SNRNP200: variants seen among roughly 807,000 people sequenced by gnomAD.
SNRNP200 encodes the protein U5 small nuclear ribonucleoprotein 200 kDa helicase.
SNRNP200 carries 66 observed loss-of-function variants against 255.2 expected under a neutral mutation model. The ratio of observed to expected loss-of-function variants is 0.26; its 90% confidence interval spans 0.21 to 0.32. SNRNP200 has a LOEUF of 0.32. Ranked by LOEUF, SNRNP200 falls within the 10% of genes least tolerant of loss-of-function variation. The pLI, the probability that SNRNP200 is intolerant of heterozygous loss-of-function variation, is 1.00. For missense variants in SNRNP200, 1,585 were observed against 2,749.8 expected, an observed-to-expected ratio of 0.58 and a Z score of 9.47; for synonymous variants, 939 against 1,027.8, an observed-to-expected ratio of 0.91 and a Z score of 1.65.
intron 43 of SNRNP200, among the ~76,000 whole-genome samples, chr2:96,276,247 T>TA (rs572300084): frequency 6.6e-6 from 1 of 152,158 alleles, no homozygotes; most frequent in Non-Finnish European, 1.5e-5. Flanking sequence ...TTTCTGGTGG[T>TA]AAAAAACCAA....
chr2:96,275,490 C>G (rs1238550611), intron 43 of SNRNP200, 141 bp from the exon 44 acceptor site: 2 of 752,126 alleles, frequency 2.7e-6, no homozygotes, highest in Non-Finnish European at 4.7e-6. Context: ...TTAGATTTAA[C>G]ATTTTAATAC....
chr2:96,290,435 T>C lies in SNRNP200; in HGVS notation c.2633A>G (p.Tyr878Cys). 1 of 1,614,120 alleles carries C rather than the reference T, an allele frequency of 6.2e-7. No individual in the cohort carries two copies. The highest frequency in any genetic ancestry group is 8.5e-7 in the Non-Finnish European group (1 of 1,179,942). ...TTGTTGATTGAGGAGGGACAGGTAGTACTGTAGCTCCCCATGAGATGTGAT... is the reference window on the plus strand; with the variant it reads ...TTGTTGATTGAGGAGGGACAGGTAGCACTGTAGCTCCCCATGAGATGTGAT... ...ILITSHGELQYYLSLLNQQLP... is the reference protein window; with the variant it reads ...ILITSHGELQCYLSLLNQQLP... Residue 878 changes from tyrosine (Y) to cysteine (C), a missense_variant, in exon 20 of 45, where the codon TAC (tyrosine) becomes TGC (cysteine). By Grantham distance (194) the Tyr-to-Cys change is radical. Transcript: ENST00000323853. The surrounding 1 kb of genome is among the most constrained non-coding windows in gnomAD (Gnocchi z 4.5).
rs777483754 is a variant in SNRNP200 at position 96,305,364 on chromosome 2, C to A, written c.45+29G>T. ...CCCCCTCCCCATTGGACTCCTGAGCCTGGAATCCTTCCCCAAGACCAAACG... is the reference window on the plus strand; with the variant it reads ...CCCCCTCCCCATTGGACTCCTGAGCATGGAATCCTTCCCCAAGACCAAACG... On this transcript the variant is annotated intron_variant, in intron 1 of 44. Coordinates refer to ENST00000323853, the MANE Select transcript of SNRNP200 (RefSeq NM_014014.5). 3.8e-5 allele frequency: 62 copies of A among 1,614,098 alleles called. No individual in the cohort carries two copies. The South Asian group carries it at 6.3e-4, about 16-fold the overall frequency.
intron 35 of SNRNP200, 80 bp from the exon 36 acceptor site, chr2:96,279,639 A>C (rs564483254): frequency 2.4e-6 from 2 of 846,904 alleles, no homozygotes; most frequent in African/African-American, 3.3e-5. Flanking sequence ...CCCTTCGCCA[A>C]GTAAGAGTAA....
At chr2:96,284,609 G>T in intron 30 of SNRNP200, 24 bp from the exon 31 acceptor site, 1 of 1,510,938 alleles carries the variant, frequency 6.6e-7, no homozygotes, top group Non-Finnish European at 9.2e-7. Flanking sequence ...GAGGGAGGCA[G>T]AACAACACTA....
In SNRNP200 at chr2:96,298,686, C is replaced by T; in HGVS notation, c.899G>A (p.Arg300Gln). ...LEILKTASDD[R>Q]ECENQLVLLL... ...CAGAACCAGCTGATTTTCACATTCCCGATCATCACTGGCCGTCTGCAGAGA... is the reference window on the plus strand; with the variant it reads ...CAGAACCAGCTGATTTTCACATTCCTGATCATCACTGGCCGTCTGCAGAGA... The change falls in exon 8 of 45, where the codon CGG (arginine) becomes CAG (glutamine). Residue 300 changes from arginine (R) to glutamine (Q), a missense_variant. By Grantham distance (43) the Arg-to-Gln change is conservative. Coordinates refer to ENST00000323853, the MANE Select transcript of SNRNP200 (RefSeq NM_014014.5). 6.2e-7 allele frequency: 1 copy of T among 1,614,156 alleles called. No homozygotes were observed. The highest frequency in any genetic ancestry group is 8.5e-7 in the Non-Finnish European group (1 of 1,180,032).
chr2:96,282,225 A>G (rs2063804044), intron 34 of SNRNP200: 1 of 382,784 alleles, frequency 2.6e-6, no homozygotes, highest in South Asian at 2.5e-5. Context: ...AGAAAGTGCT[A>G]ACACTCATGC....
At position 96,297,698 on chromosome 2, in the gene SNRNP200, C is replaced by G; in HGVS notation, c.1142G>C (p.Arg381Pro). ...TGTGTCCATTCGAGACTGACGCACTCGCTCTCTCCGGGACCTTTCCTCCTG... is the reference window on the plus strand; with the variant it reads ...TGTGTCCATTCGAGACTGACGCACTGGCTCTCTCCGGGACCTTTCCTCCTG... ...LIREERSRRE[R>P]VRQSRMDTDL... The change falls in exon 10 of 45, where the codon CGA becomes CCA. Residue 381 changes from arginine to proline, a missense_variant. Arg to Pro is a moderately radical substitution (Grantham distance 103). Around this residue, in one of 9 missense-constraint regions of SNRNP200, gnomAD observed 383 missense variants for 645.3 expected, o/e 0.59. Coordinates refer to ENST00000323853, the MANE Select transcript of SNRNP200 (RefSeq NM_014014.5). 1 of 1,614,214 alleles carries G rather than the reference C, an allele frequency of 6.2e-7. No individual in the cohort carries two copies. The highest frequency in any genetic ancestry group is 8.5e-7 in the Non-Finnish European group (1 of 1,180,050).
rs552534892 is a variant in SNRNP200, at chr2:96,286,160, A to G, written c.4003+151T>C. 58 of 796,032 alleles carry G rather than the reference A, an allele frequency of 7.3e-5. No individual in the cohort carries two copies. The highest frequency in any genetic ancestry group is 6.1e-4 in the South Asian group (44 of 72,118). The allele number at this position is 796,032 out of a possible 1,614,324, so 49.3% of individuals were successfully genotyped here. ...GCAAAGCAACCAAAGGCTTCTGACA[A>G]AGGAAAAAGTCCTGGTGGGTCCCAG... On this transcript the variant is annotated intron_variant, in intron 29 of 44. Coordinates refer to ENST00000323853, the MANE Select transcript of SNRNP200 (RefSeq NM_014014.5). This position sits in a 1 kb window ranked among gnomAD's most constrained non-coding sequence, Gnocchi z 4.8.
Position 96,283,845 on chromosome 2 carries a change from C to T in SNRNP200, c.4552G>A (p.Val1518Met), listed in dbSNP as rs1438739986. ...ATSTFNFHPN[V>M]RPVPLELHIQ... ...TGCAGCTCCAAGGGGACGGGACGCA[C>T]ATTGGGATGGAAGTTGAAGGTGGAG... Residue 1518 changes from valine to methionine, a missense_variant, in exon 32 of 45, where the codon GTG (valine) becomes ATG (methionine). Val to Met is a conservative substitution (Grantham distance 21, BLOSUM62 1). Coordinates refer to ENST00000323853, the MANE Select transcript of SNRNP200 (RefSeq NM_014014.5). The surrounding 1 kb of genome is among the most constrained non-coding windows in gnomAD (Gnocchi z 4.7). 6.2e-7 allele frequency: 1 copy of T among 1,603,866 alleles called. No homozygotes were observed. The highest frequency in any genetic ancestry group is 8.5e-7 in the Non-Finnish European group (1 of 1,175,024).
rs1231692709 is a variant in SNRNP200 at position 96,289,369 on chromosome 2, A to G, written c.2951T>C (p.Leu984Pro). ...GTAGTAGTGGCTGGCTATACGGCCCAGTTCTGTCACCTGGAGAGAAGGTAG... is the reference window on the plus strand; with the variant it reads ...GTAGTAGTGGCTGGCTATACGGCCCGGTTCTGTCACCTGGAGAGAAGGTAG... ...KKTGNFQVTELGRIASHYYIT... is the reference protein window; with the variant it reads ...KKTGNFQVTEPGRIASHYYIT... The change falls in exon 22 of 45, where the codon CTG (leucine) becomes CCG (proline). Residue 984 changes from leucine to proline, a missense_variant. By Grantham distance (98) the Leu-to-Pro change is moderately conservative (BLOSUM62 -3). This residue lies in a region of SNRNP200 where 719 missense variants were observed against 1,091.1 expected (regional missense o/e 0.66). Transcript: ENST00000323853. The G allele has an allele frequency of 3.7e-6, 6 of 1,613,926 alleles. No homozygotes were observed. The highest frequency in any genetic ancestry group is 5.1e-6 in the Non-Finnish European group (6 of 1,179,972).
At position 96,303,165 on chromosome 2, in the gene SNRNP200, C is replaced by G. The variant is rs777404377; in HGVS notation, c.375G>C (p.Gly125=). 45 of 1,613,994 alleles carry G rather than the reference C, an allele frequency of 2.8e-5. 1 individual carries two copies. The highest frequency in any genetic ancestry group is 3.3e-4 in the Middle Eastern group (2 of 6,084). ...VLLSFIQAAL[G]DQPRDILCGA... The stretch of plus-strand genomic sequence containing the variant: ...TTCACAATATCACACTCACCTGGTC[C>G]CCAAGAGCAGCCTGGATGAAGCTGA... The change falls in exon 3 of 45, where the codon GGG becomes GGC. Residue 125 remains glycine (G), a synonymous_variant. Transcript: ENST00000323853.
rs937596726 is a variant in SNRNP200 at position 96,278,013 on chromosome 2, C to A, written c.5611-63G>T. ...TGACCCTGCCTGAGACCAGCTCAGG[C>A]CAAAGCACCACGTGGCCCAGGCTCA... On this transcript the variant is annotated intron_variant, in intron 39 of 44. Transcript: ENST00000323853. This position sits in a 1 kb window ranked among gnomAD's most constrained non-coding sequence, Gnocchi z 6.9. 6.2e-7 allele frequency: 1 copy of A among 1,610,476 alleles called. No homozygotes were observed.
chr2:96,277,780 C>A lies in SNRNP200; in HGVS notation c.5754+27G>T. 6.2e-7 allele frequency: 1 copy of A among 1,614,204 alleles called. No homozygotes were observed. The highest frequency in any genetic ancestry group is 8.5e-7 in the Non-Finnish European group (1 of 1,180,034). ...GCTGAGATGTTTAGAGCACCACTGA[C>A]CCCTCTGCCCCACACCCACACTCTA... On this transcript the variant is annotated intron_variant, in intron 40 of 44. Coordinates refer to ENST00000323853, the MANE Select transcript of SNRNP200 (RefSeq NM_014014.5). The surrounding 1 kb of genome is among the most constrained non-coding windows in gnomAD (Gnocchi z 4.4).
intron 2 of SNRNP200, among the ~76,000 whole-genome samples, chr2:96,303,831 C>T (rs535200543): frequency 6.7e-6 from 1 of 148,184 alleles, no homozygotes; most frequent in East Asian, 2.0e-4. Context: ...TGGAGGTTGC[C>T]GTGAGAGAGA....
chr2:96,298,149 T>G, intron 9 of SNRNP200, 135 bp downstream of exon 9: 1 of 1,246,472 alleles, frequency 8.0e-7, no homozygotes, highest in Non-Finnish European at 1.2e-6. Flanking sequence ...CTAACCTGTA[T>G]GCACTGATAA....
chr2:96,297,333 G>A, intron 11 of SNRNP200, 30 bp downstream of exon 11: 1 of 1,612,152 alleles, frequency 6.2e-7, no homozygotes, highest in Non-Finnish European at 8.5e-7. Flanking sequence ...GGTGAACTGA[G>A]CAGAGAACTG....
At position 96,301,531 on chromosome 2, in the gene SNRNP200, T is replaced by G; in HGVS notation, c.567A>C (p.Gln189His). 1 of 1,614,214 alleles carries G rather than the reference T, an allele frequency of 6.2e-7. No individual in the cohort carries two copies. The highest frequency in any genetic ancestry group is 8.5e-7 in the Non-Finnish European group (1 of 1,180,038). ...CATAAAGCGCGCACTTACCCATATT[T>G]TGGATTTCCTTATCTCCACCATAGT... ...ITDYGGDKEI[Q>H]NMDDNIDETY... Residue 189 changes from glutamine to histidine, a missense_variant, in exon 4 of 45, where the codon CAA becomes CAC. Around this residue, in one of 9 missense-constraint regions of SNRNP200, gnomAD observed 383 missense variants for 645.3 expected, o/e 0.59. Transcript: ENST00000323853.
At chr2:96,284,877 G>A (rs1411912960) in intron 30 of SNRNP200, 2 of 526,368 alleles carry the variant, frequency 3.8e-6, no homozygotes, top group African/African-American at 1.9e-5. Context: ...AGCCTTCCAA[G>A]TAGCTGGGAT....
Sources: gnomAD v4.1 joint callset for allele counts (sites outside exome capture counted in the v4.1 genomes callset) on GRCh38, gnomAD v4.1.1 for gene constraint, gnomAD v4.1.1 regional missense constraint, Gnocchi (gnomAD v3.1) non-coding constraint, MANE v1.5 for transcripts, NCBI Gene and HGNC (gene_info 2026-07-23, HGNC 2026-07-21) for gene names.